The following CRYBG2 variants were observed in gnomAD, a reference collection of about 807,000 sequenced individuals.
CRYBG2 encodes crystallin beta-gamma domain containing 2, also known as beta/gamma crystallin domain-containing protein 2.
In CRYBG2, 106 loss-of-function variants were observed where a neutral mutation model predicts 153.4. That is an observed-to-expected ratio of 0.69 (90% CI 0.59 to 0.81). The LOEUF is 0.81. CRYBG2 is among the 30% of genes least tolerant of loss of function. CRYBG2 has a pLI of 0.00. For missense variants in CRYBG2, 1,996 were observed against 2,112.0 expected, an observed-to-expected ratio of 0.95 and a Z score of 1.08; for synonymous variants, 851 against 877.8, an observed-to-expected ratio of 0.97 and a Z score of 0.54.
intron 17 of CRYBG2, among the ~76,000 whole-genome samples, 192 bp from the exon 18 acceptor site, chr1:26,324,502 T>TCA (rs770627300): frequency 4.2e-5 from 5 of 117,980 alleles, no homozygotes; most frequent in African/African-American, 9.7e-5. Context: ...TCTCTCTCTC[T>TCA]CTCACACACA....
At chr1:26,350,925 A>G (rs1236943885) in intron 1 of CRYBG2, among the ~76,000 whole-genome samples, 2 of 151,940 alleles carry the variant, frequency 1.3e-5, no homozygotes, top group Non-Finnish European at 1.5e-5. Context: ...AAGCTGGTGG[A>G]ATTCAGAACT....
intron 1 of CRYBG2, among the ~76,000 whole-genome samples, chr1:26,350,326 A>G (rs2074273576): frequency 6.6e-6 from 1 of 152,114 alleles, no homozygotes; most frequent in African/African-American, 2.4e-5. Flanking sequence ...TCTCAGGTGA[A>G]TTTCTCTGTT....
Position 26,324,317 on chromosome 1 carries a change from G to C in CRYBG2, c.4579-7C>G. The C allele has an allele frequency of 6.3e-7, 1 of 1,599,560 alleles. No homozygotes were observed. The highest frequency in any genetic ancestry group is 8.5e-7 in the Non-Finnish European group (1 of 1,176,414). On this transcript the variant is annotated splice_region_variant and splice_polypyrimidine_tract_variant and intron_variant, in intron 17 of 19. Coordinates refer to ENST00000308182, the MANE Select transcript of CRYBG2 (RefSeq NM_001039775.4). ...GGCGGAAATAAACCCGGCGCTGGTG[G>C]CAGAAAGAGGCTGAGAGTCAGGGGT...
intron 1 of CRYBG2, among the ~76,000 whole-genome samples, chr1:26,347,295 T>G (rs901428133): frequency 6.6e-5 from 9 of 136,914 alleles, no homozygotes; most frequent in African/African-American, 1.4e-4. Context: ...TTTTTTTTTT[T>G]TTTTTTTTTT....
chr1:26,331,617 A>G lies in CRYBG2; in HGVS notation c.4186T>C (p.Trp1396Arg). 1 of 1,613,810 alleles carries G rather than the reference A, an allele frequency of 6.2e-7. No homozygotes were observed. Among genetic ancestry groups the G allele is most frequent in the Non-Finnish European group, 8.5e-7 (1 of 1,179,984 alleles). The stretch of plus-strand genomic sequence containing the variant: ...AAGTTCGTCTCATCAAACAGGATCC[A>G]GCTAGGGAAGGGGAAGAAATGGAGG... ...PQSCRVHGGS[W>R]ILFDETNFEG... Residue 1396 changes from tryptophan to arginine, a missense_variant and splice_region_variant, in exon 15 of 20, where the codon TGG (tryptophan) becomes CGG (arginine). Coordinates refer to ENST00000308182, the MANE Select transcript of CRYBG2 (RefSeq NM_001039775.4).
intron 7 of CRYBG2, 80 bp from the exon 8 acceptor site, chr1:26,338,127 C>G: frequency 6.5e-7 from 1 of 1,547,864 alleles, no homozygotes. Flanking sequence ...TTTTCCTGAT[C>G]CTGAGAACCC....
chr1:26,346,506 T>C lies in CRYBG2; in HGVS notation c.152A>G (p.Gln51Arg), dbSNP rs777653485. 43 of 1,613,244 alleles carry C rather than the reference T, an allele frequency of 2.7e-5. No homozygotes were observed. Among genetic ancestry groups the C allele is most frequent in the Non-Finnish European group, 3.6e-5 (42 of 1,179,842 alleles). The change falls in exon 2 of 20, where the codon CAG becomes CGG. Residue 51 changes from glutamine (Q) to arginine (R), a missense_variant. Physicochemically the swap from Gln to Arg is conservative, Grantham distance 43 (BLOSUM62 1). Coordinates refer to ENST00000308182, the MANE Select transcript of CRYBG2 (RefSeq NM_001039775.4). This position sits in a 1 kb window ranked among gnomAD's most constrained non-coding sequence, Gnocchi z 4.9. ...LVSGAQMEAP[Q>R]KEMFEFSRRE... ...ACGGCTGAACTCAAACATCTCCTTC[T>C]GCGGGGCTTCCATCTGGGCCCCTGA... is the stretch of plus-strand genomic sequence containing the variant.
In CRYBG2 at chr1:26,322,274, G is replaced by GCAA; in HGVS notation, c.4786_4787insTTG (p.Ser1596delinsPheAla). 1 of 1,613,964 alleles carries GCAA rather than the reference G, an allele frequency of 6.2e-7. No homozygotes were observed. The highest frequency in any genetic ancestry group is 8.5e-7 in the Non-Finnish European group (1 of 1,180,014). ...GCTCTCGGCCCACAGCACCACCTTGGAGCCTGGGCTAGGGGGTCCAATCAC... is the reference window on the plus strand; with the variant it reads ...GCTCTCGGCCCACAGCACCACCTTGGCAAAGCCTGGGCTAGGGGGTCCAATCAC... On this transcript the variant is annotated protein_altering_variant, in exon 19 of 20. Transcript: ENST00000308182.
Position 26,345,426 on chromosome 1 carries a change from T to C in CRYBG2, c.1232A>G (p.Glu411Gly). 1 of 1,608,982 alleles carries C rather than the reference T, an allele frequency of 6.2e-7. No homozygotes were observed. The change falls in exon 2 of 20, where the codon GAG (glutamate) becomes GGG (glycine). Residue 411 changes from glutamate to glycine, a missense_variant. Transcript: ENST00000308182. The stretch of plus-strand genomic sequence containing the variant: ...AGGTTGTCCAGGGACTGTCACATGC[T>C]CGCTCCTCACCATGGGCAGGACGGT... ...AATVLPMVRS[E>G]HVTVPGQPPA... is the part of the protein sequence containing the mutation.
In CRYBG2 at chr1:26,331,623, G is replaced by A. The variant is rs2073998278; in HGVS notation, c.4185-5C>T. On this transcript the variant is annotated splice_polypyrimidine_tract_variant and splice_region_variant and intron_variant, in intron 14 of 19. Transcript: ENST00000308182. ...GTCTCATCAAACAGGATCCAGCTAG[G>A]GAAGGGGAAGAAATGGAGGGTATCT... The A allele has an allele frequency of 6.2e-7, 1 of 1,613,548 alleles. No homozygotes were observed. The highest frequency in any genetic ancestry group is 8.5e-7 in the Non-Finnish European group (1 of 1,179,976).
chr1:26,324,355 T>A, intron 17 of CRYBG2, 45 bp from the exon 18 acceptor site: 2 of 1,549,442 alleles, frequency 1.3e-6, no homozygotes, highest in Non-Finnish European at 1.7e-6. Flanking sequence ...CGGGGAGGGA[T>A]GACCTGGGCC....
intron 15 of CRYBG2, among the ~76,000 whole-genome samples, chr1:26,329,961 T>C (rs1367972045): frequency 6.6e-6 from 1 of 152,130 alleles, no homozygotes; most frequent in Non-Finnish European, 1.5e-5. Context: ...AGTCTCAAAC[T>C]CCTGACCTCA....
Position 26,324,345 on chromosome 1 carries a change from C to CG in CRYBG2, c.4579-36dup. ...GAAAGAGGCTGAGAGTCAGGGGTGC[C>CG]GGGGAGGGATGACCTGGGCCCCCAG... On this transcript the variant is annotated intron_variant, in intron 17 of 19. Transcript: ENST00000308182. 2.5e-6 allele frequency: 4 copies of CG among 1,569,262 alleles called. No homozygotes were observed. The African/African-American group carries it at 5.4e-5, about 21-fold the overall frequency.
In CRYBG2 at chr1:26,343,359, G is replaced by C. The variant is rs1191532937; in HGVS notation, c.2914-66C>G. 1 of 1,508,262 alleles carries C rather than the reference G, an allele frequency of 6.6e-7. No individual in the cohort carries two copies. The highest frequency in any genetic ancestry group is 9.0e-7 in the Non-Finnish European group (1 of 1,109,222). 93.4% of individuals were successfully genotyped at this position (1,508,262 alleles called of 1,614,324 possible). The stretch of plus-strand genomic sequence containing the variant: ...CCTCTTTTCTGCCTCCCCACAACCC[G>C]CCATTCCAAGGATCCCACATCCTCC... On this transcript the variant is annotated intron_variant, in intron 2 of 19. Coordinates refer to ENST00000308182, the MANE Select transcript of CRYBG2 (RefSeq NM_001039775.4). The surrounding 1 kb of genome is among the most constrained non-coding windows in gnomAD (Gnocchi z 4.1).
At chr1:26,324,047 T>C in intron 18 of CRYBG2, 105 bp downstream of exon 18, 1 of 1,280,596 alleles carries the variant, frequency 7.8e-7, no homozygotes. Context: ...GGGTCCTGGC[T>C]TCTGTGTGCA....
intron 4 of CRYBG2, 40 bp from the exon 5 acceptor site, chr1:26,342,923 G>C (rs774349150): frequency 6.2e-7 from 1 of 1,612,210 alleles, no homozygotes. Context: ...ATGGGGAGGA[G>C]GATGTGCCCA....
Position 26,345,102 on chromosome 1 carries a change from C to A in CRYBG2, c.1556G>T (p.Ser519Ile). ...PTQKEVVQGS[S>I]APAALFPTWK... ...GGTGGGGAACAAGGCAGCAGGAGCA[C>A]TGGACCCCTGCACCACCTCCTTCTG... is the stretch of plus-strand genomic sequence containing the variant. Residue 519 changes from serine (S) to isoleucine (I), a missense_variant, in exon 2 of 20, where the codon AGT becomes ATT. Coordinates refer to ENST00000308182, the MANE Select transcript of CRYBG2 (RefSeq NM_001039775.4). 3 of 953,020 alleles carry A rather than the reference C, an allele frequency of 3.1e-6. No homozygotes were observed. Among genetic ancestry groups the A allele is most frequent in the Non-Finnish European group, 4.2e-6 (3 of 706,336 alleles). 59.0% of individuals were successfully genotyped at this position (953,020 alleles called of 1,614,324 possible).
rs2073915077 is a variant in CRYBG2 at position 26,325,631 on chromosome 1, A to G, written c.4579-1321T>C. On this transcript the variant is annotated intron_variant, in intron 17 of 19. Transcript: ENST00000308182. This position sits in a 1 kb window ranked among gnomAD's most constrained non-coding sequence, Gnocchi z 4.1. ...CAGATACACACACACACACACACAC[A>G]CACACACAGGTCATCACCAGAGCAC... Among the ~76,000 whole-genome samples the G allele has an allele frequency of 6.6e-6, 1 of 151,920 alleles. No homozygotes were observed. Among genetic ancestry groups the G allele is most frequent in the Non-Finnish European group, 1.5e-5 (1 of 67,984 alleles).
chr1:26,344,970 T>G lies in CRYBG2; in HGVS notation c.1688A>C (p.Lys563Thr), dbSNP rs1334515046. 2 of 1,518,782 alleles carry G rather than the reference T, an allele frequency of 1.3e-6. No homozygotes were observed. Among genetic ancestry groups the G allele is most frequent in the Non-Finnish European group, 8.8e-7 (1 of 1,136,002 alleles). 94.1% of individuals were successfully genotyped at this position (1,518,782 alleles called of 1,614,324 possible). The part of the protein sequence containing the change: ...GAPAASSPTQ[K>T]EVVQGSGAPA... ...AGCACCAGACCCCTGCACCACCTCCTTCTGGGTGGGGGATGAGGCAGCAGG... is the reference window on the plus strand; with the variant it reads ...AGCACCAGACCCCTGCACCACCTCCGTCTGGGTGGGGGATGAGGCAGCAGG... Residue 563 changes from lysine to threonine, a missense_variant, in exon 2 of 20, where the codon AAG becomes ACG. Coordinates refer to ENST00000308182, the MANE Select transcript of CRYBG2 (RefSeq NM_001039775.4).
Sources: gnomAD v4.1 joint callset for allele counts (sites outside exome capture counted in the v4.1 genomes callset) on GRCh38, gnomAD v4.1.1 for gene constraint, Gnocchi (gnomAD v3.1) non-coding constraint, MANE v1.5 for transcripts, NCBI Gene and HGNC (gene_info 2026-07-23, HGNC 2026-07-21) for gene names.